ZRANB3: variants seen among roughly 807,000 people sequenced by gnomAD.
ZRANB3 encodes DNA annealing helicase and endonuclease ZRANB3.
In ZRANB3, 125 loss-of-function variants were observed where a neutral mutation model predicts 133.8. The observed-to-expected ratio is 0.93, with a 90% confidence interval of 0.81 to 1.08. ZRANB3 has a LOEUF of 1.08. ZRANB3 is among the 50% of genes least tolerant of loss of function. ZRANB3 has a pLI of 0.00. For synonymous variants in ZRANB3, 387 were observed against 432.7 expected, an observed-to-expected ratio of 0.89 and a Z score of 1.31; for missense variants, 1,229 against 1,275.5, an observed-to-expected ratio of 0.96 and a Z score of 0.56.
chr2:135,307,044 T>C (rs1246929799), intron 8 of ZRANB3, among the ~76,000 whole-genome samples: 1 of 152,066 alleles, frequency 6.6e-6, no homozygotes, highest in African/African-American at 2.4e-5. Context: ...AATTAATGAA[T>C]TTTATTTTAT....
At chr2:135,494,335 AGAAG>A (rs966983145) in intron 2 of ZRANB3, among the ~76,000 whole-genome samples, 5 of 151,214 alleles carry the variant, frequency 3.3e-5, no homozygotes, top group African/African-American at 7.3e-5. Context: ...AAAAGAAAAA[AGAAG>A]GAAGGAAGGA....
chr2:135,433,252 T>C (rs1195729831), intron 2 of ZRANB3, among the ~76,000 whole-genome samples: 1 of 151,878 alleles, frequency 6.6e-6, no homozygotes, highest in African/African-American at 2.4e-5. Flanking sequence ...CCAGGTGTGG[T>C]GACGTGCGCC....
chr2:135,476,132 A>C (rs1691489530), intron 2 of ZRANB3, among the ~76,000 whole-genome samples: 1 of 152,224 alleles, frequency 6.6e-6, no homozygotes, highest in Non-Finnish European at 1.5e-5. Context: ...TGATCTAATA[A>C]AAGTTAAAGA....
At chr2:135,406,411 C>T (rs1361144731) in intron 2 of ZRANB3, among the ~76,000 whole-genome samples, 2 of 152,190 alleles carry the variant, frequency 1.3e-5, no homozygotes, top group Non-Finnish European at 2.9e-5. Context: ...GAGCTGGTAC[C>T]ATTCCTTCTG....
chr2:135,454,861 T>C (rs1392013788), intron 2 of ZRANB3, among the ~76,000 whole-genome samples: 1 of 152,184 alleles, frequency 6.6e-6, no homozygotes, highest in Non-Finnish European at 1.5e-5. Context: ...ATGATACTTC[T>C]GTATCTTTGT....
rs961865545 is a variant in ZRANB3, at chr2:135,199,446, A to G, written c.*896T>C. ...CGAGTATCTGAGATTACACGTGCAC[A>G]ACACCATGCCCGGCTAATTTTTTGT... On this transcript the variant is annotated 3_prime_UTR_variant, in exon 21 of 21. Coordinates refer to ENST00000264159, the MANE Select transcript of ZRANB3 (RefSeq NM_032143.4). 2 of 152,118 alleles carry G rather than the reference A, an allele frequency of 1.3e-5. No homozygotes were observed. The highest frequency in any genetic ancestry group is 4.8e-5 in the African/African-American group (2 of 41,422). The allele number at this position is 152,118 out of a possible 1,614,324, so 9.4% of individuals were successfully genotyped here. A position where few individuals can be genotyped will look rare whatever the true frequency, so the allele number is the denominator to read the frequency against.
In ZRANB3 at chr2:135,230,677, G is replaced by C; in HGVS notation, c.1790C>G (p.Ser597Cys). 1 of 1,613,476 alleles carries C rather than the reference G, an allele frequency of 6.2e-7. No homozygotes were observed. Among genetic ancestry groups the C allele is most frequent in the South Asian group, 1.1e-5 (1 of 90,866 alleles). The change falls in exon 13 of 21, where the codon TCC becomes TGC. Residue 597 changes from serine to cysteine, a missense_variant. Transcript: ENST00000264159. Reference sequence around the variant, plus strand: ...CACGAGTGGAGTTCGGATTTGCTTGGACTGGGATGGTGTCTCTTCCGACGG... The same window carrying C: ...CACGAGTGGAGTTCGGATTTGCTTGCACTGGGATGGTGTCTCTTCCGACGG... The part of the protein sequence containing the change: ...CSPSEETPSQ[S>C]KQIRTPLVES...
At chr2:135,316,983 A>AAATAT (rs35114507) in intron 6 of ZRANB3, among the ~76,000 whole-genome samples, 191 of 131,448 alleles carry the variant, frequency 1.5e-3, no homozygotes, top group African/African-American at 5.1e-3. Context: ...AAAAAAAAAA[A>AAATAT]ATATATATAT....
intron 2 of ZRANB3, among the ~76,000 whole-genome samples, chr2:135,500,041 C>T (rs1343820399): frequency 6.6e-6 from 1 of 152,078 alleles, no homozygotes; most frequent in Admixed American, 6.6e-5. Flanking sequence ...CAGTAGCCTA[C>T]AAGTCAAGAA....
chr2:135,412,462 G>A (rs950726738), intron 2 of ZRANB3, among the ~76,000 whole-genome samples: 2 of 151,714 alleles, frequency 1.3e-5, no homozygotes, highest in Non-Finnish European at 2.9e-5. Flanking sequence ...AGTAGACCTG[G>A]CTTACTTTTT....
chr2:135,484,529 G>C (rs747197478), intron 2 of ZRANB3, among the ~76,000 whole-genome samples: 162 of 151,678 alleles, frequency 1.1e-3, no homozygotes, highest in Admixed American at 2.7e-3. Context: ...TAAAAAATTA[G>C]GCAATGTATC....
intron 2 of ZRANB3, among the ~76,000 whole-genome samples, chr2:135,418,923 C>CTTTTTTTTTT (rs1558986938): frequency 2.6e-5 from 3 of 114,326 alleles, no homozygotes; most frequent in African/African-American, 7.2e-5. Context: ...TAAGGATTCT[C>CTTTTTTTTTT]TCTTTTTTTT....
intron 12 of ZRANB3, among the ~76,000 whole-genome samples, chr2:135,236,036 A>T (rs1573730588): frequency 6.6e-6 from 1 of 151,998 alleles, no homozygotes; most frequent in African/African-American, 2.4e-5. Context: ...TATCTAGAAA[A>T]CCCCATCGTC....
chr2:135,217,423 A>G, intron 17 of ZRANB3, 42 bp downstream of exon 17: 1 of 1,528,520 alleles, frequency 6.5e-7, no homozygotes, highest in Non-Finnish European at 8.8e-7. Flanking sequence ...AAGAACCATG[A>G]AAAGTAATAT....
chr2:135,474,661 A>G (rs1691425812), intron 2 of ZRANB3, among the ~76,000 whole-genome samples: 1 of 152,230 alleles, frequency 6.6e-6, no homozygotes, highest in South Asian at 2.1e-4. Context: ...TACAGCCTGC[A>G]GAACCAGAGC....
intron 6 of ZRANB3, among the ~76,000 whole-genome samples, chr2:135,340,749 G>A (rs918577799): frequency 1.4e-4 from 22 of 151,852 alleles, no homozygotes; most frequent in Non-Finnish European, 2.8e-4. Flanking sequence ...TCAGCTACTC[G>A]GGAGGCTGAG....
At chr2:135,461,800 C>A (rs1404190924) in intron 2 of ZRANB3, among the ~76,000 whole-genome samples, 2 of 152,066 alleles carry the variant, frequency 1.3e-5, no homozygotes, top group Non-Finnish European at 2.9e-5. Flanking sequence ...GTCTGAGAAA[C>A]CTTAAATTCA....
intron 6 of ZRANB3, among the ~76,000 whole-genome samples, chr2:135,344,033 T>G (rs1684812782): frequency 6.6e-6 from 1 of 152,188 alleles, no homozygotes; most frequent in Admixed American, 6.5e-5. Context: ...TATCTTAGAT[T>G]TTTCCCCTAT....
At chr2:135,488,018 G>A (rs1300740702) in intron 2 of ZRANB3, among the ~76,000 whole-genome samples, 2 of 152,146 alleles carry the variant, frequency 1.3e-5, no homozygotes, top group Non-Finnish European at 1.5e-5. Context: ...GATTTAAAGT[G>A]AGAGATGTAT....
Sources: gnomAD v4.1 joint callset for allele counts (sites outside exome capture counted in the v4.1 genomes callset) on GRCh38, gnomAD v4.1.1 for gene constraint, MANE v1.5 for transcripts, NCBI Gene and HGNC (gene_info 2026-07-23, HGNC 2026-07-21) for gene names.